Variants in ABCB6 observed in about 807,000 individuals in gnomAD.
ABCB6 encodes the protein ATP-binding cassette sub-family B member 6.
A neutral mutation model predicts 99.4 loss-of-function variants in ABCB6; 87 were observed. The ratio of observed to expected loss-of-function variants is 0.88; its 90% confidence interval spans 0.74 to 1.05. The LOEUF (loss-of-function observed/expected upper bound fraction) is 1.05, where lower values mean the gene tolerates loss of function less well. Ranked by LOEUF, ABCB6 falls within the 50% of genes least tolerant of loss-of-function variation. The pLI, the probability that ABCB6 is intolerant of heterozygous loss-of-function variation, is 0.00. For missense variants in ABCB6, 1,050 were observed against 1,097.9 expected, an observed-to-expected ratio of 0.96 and a Z score of 0.62; for synonymous variants, 482 against 447.5, an observed-to-expected ratio of 1.08 and a Z score of -0.97.
Position 219,216,339 on chromosome 2 carries a change from A to G in ABCB6, c.970+25T>C. 1 of 1,606,054 alleles carries G rather than the reference A, an allele frequency of 6.2e-7. No homozygotes were observed. Among genetic ancestry groups the G allele is most frequent in the Non-Finnish European group, 8.5e-7 (1 of 1,172,806 alleles). On this transcript the variant is annotated intron_variant, in intron 4 of 18. Coordinates refer to ENST00000265316, the MANE Select transcript of ABCB6 (RefSeq NM_005689.4). The surrounding 1 kb of genome is among the most constrained non-coding windows in gnomAD (Gnocchi z 4.2). ...CCTGTGGGAGGGACCTATACCTAGC[A>G]GGGTGAGGGCGGAGTCTCTCATACC...
In ABCB6 at chr2:219,216,381, C is replaced by T; in HGVS notation, c.953G>A (p.Gly318Asp). The change falls in exon 4 of 19, where the codon GGT becomes GAT. Residue 318 changes from glycine (G) to aspartate (D), a missense_variant. Transcript: ENST00000265316. This position sits in a 1 kb window ranked among gnomAD's most constrained non-coding sequence, Gnocchi z 4.2. Reference sequence around the variant, plus strand: ...TCTCATACCTGTACTGCCAGTGCCACCCCCCTGGAGGAACTTGAGGAAGAC... The same window carrying T: ...TCTCATACCTGTACTGCCAGTGCCATCCCCCTGGAGGAACTTGAGGAAGAC... ...SYVFLKFLQG[G>D]GTGSTGFVSN... 1.5e-5 allele frequency: 24 copies of T among 1,613,402 alleles called. No individual in the cohort carries two copies. Among genetic ancestry groups the T allele is most frequent in the Non-Finnish European group, 2.0e-5 (24 of 1,179,402 alleles).
In ABCB6 at chr2:219,210,391, C is replaced by T; in HGVS notation, c.2341G>A (p.Val781Met). ...KVCANRTTIV[V>M]AHRLSTVVNA... is the part of the protein sequence containing the mutation. ...CCTGTAGTCCTGTACCTGTGTGCCA[C>T]TACGATGGTGGTGCGGTTGGCACAG... The change falls in exon 17 of 19, where the codon GTG becomes ATG. Residue 781 changes from valine to methionine, a missense_variant. Coordinates refer to ENST00000265316, the MANE Select transcript of ABCB6 (RefSeq NM_005689.4). 1.2e-6 allele frequency: 2 copies of T among 1,614,226 alleles called. No homozygotes were observed. Among genetic ancestry groups the T allele is most frequent in the Non-Finnish European group, 8.5e-7 (1 of 1,180,026 alleles).
intron 18 of ABCB6, 49 bp downstream of exon 18, chr2:219,210,181 G>A (rs757243703): frequency 1.4e-5 from 23 of 1,611,168 alleles, no homozygotes; most frequent in Non-Finnish European, 2.0e-5. Context: ...CCCCTTTCCT[G>A]GAGCCCCCAA....
In ABCB6 at chr2:219,218,170, C is replaced by T; in HGVS notation, c.504G>A (p.Trp168Ter). The T allele has an allele frequency of 6.2e-7, 1 of 1,613,660 alleles. No homozygotes were observed. The highest frequency in any genetic ancestry group is 8.5e-7 in the Non-Finnish European group (1 of 1,179,946). Residue 168 changes from tryptophan to a stop codon, truncating the protein, a stop_gained, in exon 1 of 19, where the codon TGG (tryptophan) becomes TGA (stop). Coordinates refer to ENST00000265316, the MANE Select transcript of ABCB6 (RefSeq NM_005689.4). LOFTEE classifies it high-confidence loss of function. The stretch of plus-strand genomic sequence containing the variant: ...TTGCCCACCACCACTGTGGGCTGTT[C>T]CAAGACACCAGGGCCAAGTTCTCAG... ...FAAENLALVS[W>*]NSPQWWWARA... is the part of the protein sequence containing the mutation.
chr2:219,213,115 T>C, intron 12 of ABCB6, 50 bp from the exon 13 acceptor site: 4 of 1,609,158 alleles, frequency 2.5e-6, no homozygotes, highest in Non-Finnish European at 3.4e-6. Context: ...TCACCAGAGC[T>C]GCTAGTAGGC....
chr2:219,214,237 C>A, intron 7 of ABCB6, 51 bp from the exon 8 acceptor site: 1 of 1,571,622 alleles, frequency 6.4e-7, no homozygotes, highest in South Asian at 1.1e-5. Flanking sequence ...ACATGGCACT[C>A]GGGTCATTCC....
At position 219,216,761 on chromosome 2, in the gene ABCB6, C is replaced by T; in HGVS notation, c.759G>A (p.Leu253=). The T allele has an allele frequency of 6.2e-7, 1 of 1,611,616 alleles. No homozygotes were observed. Residue 253 remains leucine, a synonymous_variant, in exon 3 of 19, where the codon CTG becomes CTA. Coordinates refer to ENST00000265316, the MANE Select transcript of ABCB6 (RefSeq NM_005689.4). The surrounding 1 kb of genome is among the most constrained non-coding windows in gnomAD (Gnocchi z 4.2). ...GRKLRLLSGY[L]WPRGSPALQL... Reference sequence around the variant, plus strand: ...GCAGAGCTGGACTCCCTCGAGGCCACAGGTAGCCACTCAGGAGGCGGAGCT... The same window carrying T: ...GCAGAGCTGGACTCCCTCGAGGCCATAGGTAGCCACTCAGGAGGCGGAGCT...
At chr2:219,214,592 G>A in intron 6 of ABCB6, 94 bp from the exon 7 acceptor site, 2 of 942,180 alleles carry the variant, frequency 2.1e-6, no homozygotes, top group Admixed American at 1.9e-5. Flanking sequence ...TACACACTAA[G>A]CCTATGCTCA....
rs750482643 is a variant in ABCB6, at chr2:219,216,780, C to T, written c.740G>A (p.Arg247His). 1.1e-5 allele frequency: 18 copies of T among 1,612,414 alleles called. No homozygotes were observed. The highest frequency in any genetic ancestry group is 4.5e-5 in the East Asian group (2 of 44,836). ...AGGCCACAGGTAGCCACTCAGGAGG[C>T]GGAGCTTCCTGCCAAAATCTCGCCA... ...STWRDFGRKL[R>H]LLSGYLWPRG... Residue 247 changes from arginine (R) to histidine (H), a missense_variant, in exon 3 of 19, where the codon CGC (arginine) becomes CAC (histidine). Arg to His is a conservative substitution (Grantham distance 29). Coordinates refer to ENST00000265316, the MANE Select transcript of ABCB6 (RefSeq NM_005689.4). The surrounding 1 kb of genome is among the most constrained non-coding windows in gnomAD (Gnocchi z 4.2).
rs769830815 is a variant in ABCB6, at chr2:219,213,958, G to A, written c.1453-7C>T. On this transcript the variant is annotated splice_region_variant and splice_polypyrimidine_tract_variant and intron_variant, in intron 8 of 18. Transcript: ENST00000265316. ...TCGACTTCCACTCCAAACCCTGAGGGCAATAACACAGGAAGAGGAATGTCC... is the reference window on the plus strand; with the variant it reads ...TCGACTTCCACTCCAAACCCTGAGGACAATAACACAGGAAGAGGAATGTCC... 1.2e-6 allele frequency: 2 copies of A among 1,613,968 alleles called. No homozygotes were observed. The highest frequency in any genetic ancestry group is 1.1e-5 in the South Asian group (1 of 91,072).
At chr2:219,217,551 GGAGAATCGCTT>G (rs1332390401) in intron 2 of ABCB6, 108 bp downstream of exon 2, 2 of 772,086 alleles carry the variant, frequency 2.6e-6, no homozygotes, top group Non-Finnish European at 4.2e-6. Flanking sequence ...GGCTGAGGCA[GGAGAATCGCTT>G]GAACCCGGGA....
In ABCB6 at chr2:219,218,865, G is replaced by T; in HGVS notation, c.-192C>A. The T allele has an allele frequency of 1.7e-6, 1 of 587,140 alleles. No homozygotes were observed. Among genetic ancestry groups the T allele is most frequent in the Non-Finnish European group, 2.8e-6 (1 of 353,764 alleles). The allele number at this position is 587,140 out of a possible 1,614,324, so 36.4% of individuals were successfully genotyped here. A position where few individuals can be genotyped will look rare whatever the true frequency, so the allele number is the denominator to read the frequency against. Reference sequence around the variant, plus strand: ...CCACTCCCCTAGCGCACGCGCCGCCGCCACGCACTCACGCAGGGCACGTAC... The same window carrying T: ...CCACTCCCCTAGCGCACGCGCCGCCTCCACGCACTCACGCAGGGCACGTAC... On this transcript the variant is annotated 5_prime_UTR_variant, in exon 1 of 19. Transcript: ENST00000265316.
intron 14 of ABCB6, among the ~76,000 whole-genome samples, chr2:219,211,889 G>A (rs570024731): frequency 1.3e-5 from 2 of 151,166 alleles, no homozygotes; most frequent in Non-Finnish European, 2.9e-5. Context: ...TCAGCTTCCC[G>A]AGTAGCTGGG....
chr2:219,217,580 G>A (rs1329133096), intron 2 of ABCB6, 90 bp downstream of exon 2: 2 of 1,091,868 alleles, frequency 1.8e-6, no homozygotes, highest in African/African-American at 1.6e-5. Flanking sequence ...GGAGGTGGAG[G>A]TTGCAGTGAG....
At chr2:219,215,884 C>T (rs1224057993) in intron 5 of ABCB6, 113 bp downstream of exon 5, 3 of 1,203,788 alleles carry the variant, frequency 2.5e-6, no homozygotes, top group Non-Finnish European at 2.2e-6. Context: ...TTAAAAAACA[C>T]CAAGGTGGGA....
intron 18 of ABCB6, 51 bp downstream of exon 18, chr2:219,210,179 C>T (rs748738034): frequency 5.8e-5 from 93 of 1,611,672 alleles, no homozygotes; most frequent in Non-Finnish European, 7.8e-5. Flanking sequence ...GCCCCCTTTC[C>T]TGGAGCCCCC....
At chr2:219,214,522 C>G (rs1950616651) in intron 6 of ABCB6, 24 bp from the exon 7 acceptor site, 2 of 1,514,342 alleles carry the variant, frequency 1.3e-6, no homozygotes, top group South Asian at 2.2e-5. Context: ...GGATGGGGAG[C>G]AGAATAGGAC....
At chr2:219,214,285 A>C in intron 7 of ABCB6, 99 bp from the exon 8 acceptor site, 1 of 1,484,028 alleles carries the variant, frequency 6.7e-7, no homozygotes, top group South Asian at 1.1e-5. Flanking sequence ...TTCAAACATC[A>C]CACACAAACA....
At position 219,210,374 on chromosome 2, in the gene ABCB6, C is replaced by T; in HGVS notation, c.2351+7G>A. ...TCACCAGCCGCCCCAGGCCTGTAGT[C>T]CTGTACCTGTGTGCCACTACGATGG... is the stretch of plus-strand genomic sequence containing the variant. On this transcript the variant is annotated splice_region_variant and intron_variant, in intron 17 of 18. Coordinates refer to ENST00000265316, the MANE Select transcript of ABCB6 (RefSeq NM_005689.4). 2 of 1,614,258 alleles carry T rather than the reference C, an allele frequency of 1.2e-6. No individual in the cohort carries two copies. The highest frequency in any genetic ancestry group is 1.7e-6 in the Non-Finnish European group (2 of 1,180,034).
Sources: allele counts gnomAD v4.1 joint callset (sites outside exome capture counted in the v4.1 genomes callset), GRCh38; gene constraint gnomAD v4.1.1; non-coding constraint Gnocchi (gnomAD v3.1); transcripts MANE v1.5; gene names NCBI Gene and HGNC (gene_info 2026-07-23, HGNC 2026-07-21).